The following RAP1GAP variants were observed in gnomAD, a reference collection of about 807,000 sequenced individuals.
RAP1GAP encodes the protein RAP1 GTPase activating protein.
In RAP1GAP, 35 loss-of-function variants were observed where a neutral mutation model predicts 87.2. The observed-to-expected ratio is 0.40, with a 90% CI of 0.31 to 0.53. The LOEUF (loss-of-function observed/expected upper bound fraction) is 0.53. Ranked by LOEUF, RAP1GAP falls within the 20% of genes least tolerant of loss-of-function variation. The probability of loss-of-function intolerance (pLI) is 0.48; values close to 1 mark genes in which losing one functional copy is unlikely to be tolerated. For missense variants in RAP1GAP, 734 were observed against 898.9 expected (o/e 0.82, Z 2.35); for synonymous variants, 375 against 363.9 (o/e 1.03, Z -0.35).
At position 21,634,064 on chromosome 1, in the gene RAP1GAP, G is replaced by A. The variant is rs925635934; in HGVS notation, c.-112-7667C>T. On this transcript the variant is annotated intron_variant, in intron 2 of 24. Transcript: ENST00000374765. This position sits in a 1 kb window ranked among gnomAD's most constrained non-coding sequence, Gnocchi z 4.1. ...CCCCAGAACTGCCCCCTCCCGGGGG[G>A]GGGGGGGGGCCACAGAAGCCCATTG... 1.4e-5 allele frequency among the ~76,000 whole-genome samples: 1 copy of A among 73,122 alleles called. No homozygotes were observed. Among genetic ancestry groups the A allele is most frequent in the Non-Finnish European group, 4.2e-5 (1 of 23,948 alleles). The allele number at this position is 73,122 out of a possible 152,430, so 48.0% of individuals were successfully genotyped here. A position where few individuals can be genotyped will look rare whatever the true frequency, so the allele number is the denominator to read the frequency against.
chr1:21,659,409 A>AC (rs1017450083), intron 1 of RAP1GAP, among the ~76,000 whole-genome samples: 1 of 151,518 alleles, frequency 6.6e-6, no homozygotes, highest in Non-Finnish European at 1.5e-5. Flanking sequence ...CGCGCTCGCC[A>AC]CCCCCCGCAC....
intron 17 of RAP1GAP, among the ~76,000 whole-genome samples, chr1:21,607,736 A>C (rs1333753532): frequency 6.6e-6 from 1 of 151,890 alleles, no homozygotes. Flanking sequence ...CCAGGGCCCC[A>C]CCTTACATGC....
Position 21,601,785 on chromosome 1 carries a change from C to T in RAP1GAP, c.1551G>A (p.Pro517=), listed in dbSNP as rs774426412. Residue 517 remains proline, a synonymous_variant, in exon 20 of 25, where the codon CCG becomes CCA. Coordinates refer to ENST00000374765, the MANE Select transcript of RAP1GAP (RefSeq NM_002885.4). ...CGCTGTCTGGGGTCTTCTGACCAGC[C>T]GGAGGGCTCTCCCTGCGGGGCACAC... ...QEVQEKRESP[P]AGQKTPDSGH... is the part of the protein sequence containing the mutation. 7.0e-5 allele frequency: 113 copies of T among 1,607,098 alleles called. No homozygotes were observed. Among genetic ancestry groups the T allele is most frequent in the Middle Eastern group, 1.7e-4 (1 of 6,028 alleles).
Position 21,611,558 on chromosome 1 carries a change from G to A in RAP1GAP, c.737C>T (p.Thr246Ile), listed in dbSNP as rs1202400590. ...AGATTCGGTCCCCGTCTGCCCGTGG[G>A]TCACGTCCAGGCCTCCTCGGAACCT... ...FKGFRGGLDV[T>I]HGQTGTESVY... Residue 246 changes from threonine to isoleucine, a missense_variant, in exon 13 of 25, where the codon ACC (threonine) becomes ATC (isoleucine). Thr to Ile is a moderately conservative substitution (Grantham distance 89). This residue lies in a region of RAP1GAP where 485 missense variants were observed against 646.2 expected (regional missense o/e 0.75). Coordinates refer to ENST00000374765, the MANE Select transcript of RAP1GAP (RefSeq NM_002885.4). The A allele has an allele frequency of 6.2e-7, 1 of 1,614,070 alleles. No homozygotes were observed. Among genetic ancestry groups the A allele is most frequent in the Admixed American group, 1.7e-5 (1 of 60,014 alleles).
At chr1:21,598,116 G>A (rs1475706577) in intron 22 of RAP1GAP, 52 bp from the exon 23 acceptor site, 4 of 1,217,540 alleles carry the variant, frequency 3.3e-6, no homozygotes, top group Non-Finnish European at 4.6e-6. Flanking sequence ...GGAGGCACCA[G>A]GGAGACGGGG....
In RAP1GAP at chr1:21,668,842, C is replaced by G. The variant is rs979606603; in HGVS notation, c.-149+412G>C. ...CAGGAGCGCCACCCTCTGGGGGGCG[C>G]TAGGGCTTGGGCCCCTCCCCAGGGA... On this transcript the variant is annotated intron_variant, in intron 1 of 24. Transcript: ENST00000374765. The surrounding 1 kb of genome is among the most constrained non-coding windows in gnomAD (Gnocchi z 6.2). 6.6e-6 allele frequency among the ~76,000 whole-genome samples: 1 copy of G among 151,774 alleles called. No homozygotes were observed. Among genetic ancestry groups the G allele is most frequent in the African/African-American group, 2.4e-5 (1 of 41,330 alleles).
rs2085651049 is a variant in RAP1GAP, at chr1:21,619,950, G to C, written c.18+65C>G. 4 of 1,561,320 alleles carry C rather than the reference G, an allele frequency of 2.6e-6. No homozygotes were observed. The South Asian group carries it at 4.5e-5, about 17-fold the overall frequency. ...GGTGAAGGGCTGGAGATGCAGCAAG[G>C]GCCCCCCAGCCCCAGCCCAGCCAGC... On this transcript the variant is annotated intron_variant, in intron 4 of 24. Transcript: ENST00000374765.
At chr1:21,653,634 A>ACCTTCCTCCCTC (rs1265040921) in intron 1 of RAP1GAP, among the ~76,000 whole-genome samples, 27 of 143,478 alleles carry the variant, frequency 1.9e-4, no homozygotes, top group East Asian at 1.3e-3. Context: ...AGCAGCAACA[A>ACCTTCCTCCCTC]CCTTCCTCCC....
intron 2 of RAP1GAP, among the ~76,000 whole-genome samples, chr1:21,631,142 C>A (rs2093643030): frequency 6.6e-6 from 1 of 152,196 alleles, no homozygotes; most frequent in Admixed American, 6.5e-5. Flanking sequence ...CAGTTCACAT[C>A]ATGGATGTCC....
intron 17 of RAP1GAP, among the ~76,000 whole-genome samples, 156 bp downstream of exon 17, chr1:21,608,055 CTG>C (rs2075918284): frequency 6.6e-6 from 1 of 151,760 alleles, no homozygotes; most frequent in Non-Finnish European, 1.5e-5. Context: ...ACTCCCCATG[CTG>C]TGTCAATCCC....
intron 2 of RAP1GAP, among the ~76,000 whole-genome samples, chr1:21,641,628 G>A (rs767496212): frequency 2.0e-4 from 31 of 152,206 alleles, no homozygotes; most frequent in Admixed American, 5.2e-4. Flanking sequence ...TAGGAACTCC[G>A]TAAGTATTTG....
Position 21,617,496 on chromosome 1 carries a change from A to AG in RAP1GAP, c.106-6dup, listed in dbSNP as rs1182326794. 1.3e-6 allele frequency: 2 copies of AG among 1,589,022 alleles called. No individual in the cohort carries two copies. The highest frequency in any genetic ancestry group is 2.3e-5 in the South Asian group (2 of 87,180). On this transcript the variant is annotated splice_polypyrimidine_tract_variant and splice_region_variant and intron_variant, in intron 6 of 24. Coordinates refer to ENST00000374765, the MANE Select transcript of RAP1GAP (RefSeq NM_002885.4). ...GGGTCCTTCTCGCCCCAAGACCTGA[A>AG]GAGGGACTCAGCTGAGAGCCACCCC...
intron 1 of RAP1GAP, among the ~76,000 whole-genome samples, chr1:21,661,341 A>C (rs1233472051): frequency 6.6e-6 from 1 of 152,054 alleles, no homozygotes; most frequent in Non-Finnish European, 1.5e-5. Flanking sequence ...TCATGACCTA[A>C]TCTCTGACCC....
At position 21,599,458 on chromosome 1, in the gene RAP1GAP, C is replaced by T. The variant is rs745417889; in HGVS notation, c.1776+36G>A. ...AGGGACCAAAGAGCCCCCTTCCAAG[C>T]TCCTGTGGGGCCCCTGACCCCCCTG... On this transcript the variant is annotated intron_variant, in intron 21 of 24. Transcript: ENST00000374765. 7.6e-6 allele frequency: 12 copies of T among 1,587,996 alleles called. No homozygotes were observed. In the East Asian group the frequency reaches 2.5e-4, roughly 33 times the overall value.
rs1351468488 is a variant in RAP1GAP, at chr1:21,611,441, G to GCCCAGGCTACCTGCTGGGCGTC, written c.832_843+10dup. The GCCCAGGCTACCTGCTGGGCGTC allele has an allele frequency of 4.3e-6, 7 of 1,610,188 alleles. No homozygotes were observed. Among genetic ancestry groups the GCCCAGGCTACCTGCTGGGCGTC allele is most frequent in the Non-Finnish European group, 5.9e-6 (7 of 1,178,332 alleles). On this transcript the variant is annotated intron_variant, in intron 13 of 24. Transcript: ENST00000374765. The stretch of plus-strand genomic sequence containing the variant: ...TGGAAGACAGGAGGCAGGTGGGGGT[G>GCCCAGGCTACCTGCTGGGCGTC]CCCAGGCTACCTGCTGGGCGTCCCC...
chr1:21,663,935 A>G (rs2097247718), intron 1 of RAP1GAP, among the ~76,000 whole-genome samples: 1 of 152,194 alleles, frequency 6.6e-6, no homozygotes, highest in South Asian at 2.1e-4. Context: ...TCCCCCAGAG[A>G]TACAACAACA....
chr1:21,613,476 A>T lies in RAP1GAP; in HGVS notation c.474+152T>A. 2.4e-6 allele frequency: 2 copies of T among 818,066 alleles called. No individual in the cohort carries two copies. Among genetic ancestry groups the T allele is most frequent in the South Asian group, 3.1e-5 (2 of 65,098 alleles). 50.7% of individuals were successfully genotyped at this position (818,066 alleles called of 1,614,324 possible). A position where few individuals can be genotyped will look rare whatever the true frequency, so the allele number is the denominator to read the frequency against. On this transcript the variant is annotated intron_variant, in intron 9 of 24. Coordinates refer to ENST00000374765, the MANE Select transcript of RAP1GAP (RefSeq NM_002885.4). The surrounding 1 kb of genome is among the most constrained non-coding windows in gnomAD (Gnocchi z 4.7). ...AGGAGAACACGTGGCAGCCCAAGAC[A>T]CGATGGGAACAAGTGAGAGACAGCC...
intron 2 of RAP1GAP, among the ~76,000 whole-genome samples, chr1:21,637,136 CT>C (rs1387489451): frequency 3.5e-5 from 5 of 144,190 alleles, no homozygotes; most frequent in Non-Finnish European, 7.7e-5. Context: ...ATTTGAAATT[CT>C]TTTTTTTCTT....
chr1:21,616,136 A>AACACACAC (rs58644324), intron 7 of RAP1GAP, among the ~76,000 whole-genome samples: 52 of 126,882 alleles, frequency 4.1e-4, no homozygotes, highest in African/African-American at 1.2e-3. Flanking sequence ...CCCTCTTCCC[A>AACACACAC]ACACACACAC....
Sources: gnomAD v4.1 joint callset for allele counts (sites outside exome capture counted in the v4.1 genomes callset) on GRCh38, gnomAD v4.1.1 for gene constraint, gnomAD v4.1.1 regional missense constraint, Gnocchi (gnomAD v3.1) non-coding constraint, MANE v1.5 for transcripts, NCBI Gene and HGNC (gene_info 2026-07-23, HGNC 2026-07-21) for gene names.